The following ARHGAP32 variants were observed in gnomAD, a reference collection of about 807,000 sequenced individuals.
ARHGAP32 encodes the protein Rho GTPase activating protein 32.
In ARHGAP32, 51 loss-of-function variants were observed where a neutral mutation model predicts 186.5. The ratio of observed to expected loss-of-function variants is 0.27; its 90% confidence interval spans 0.22 to 0.35. The LOEUF is 0.35. Among genes scored for constraint, ARHGAP32 ranks in the 10% least tolerant of loss-of-function variants. The pLI is 1.00. For synonymous variants in ARHGAP32, 950 were observed against 964.3 expected, an observed-to-expected ratio of 0.99 and a Z score of 0.27; for missense variants, 2,186 against 2,623.5, an observed-to-expected ratio of 0.83 and a Z score of 3.64.
rs1241228341 is a variant in ARHGAP32 at position 128,966,511 on chromosome 11, C to T, written c.*2396G>A. 6.6e-6 allele frequency: 1 copy of T among 152,204 alleles called. No individual in the cohort carries two copies. The highest frequency in any genetic ancestry group is 1.5e-5 in the Non-Finnish European group (1 of 68,044). The allele number at this position is 152,204 out of a possible 1,614,324, so 9.4% of individuals were successfully genotyped here. ...TAGATTTGATCTGAAGTTTGTGTTT[C>T]ACGCTTGTAACAGTAATTGCAATCA... On this transcript the variant is annotated 3_prime_UTR_variant, in exon 23 of 23. Transcript: ENST00000682385.
chr11:129,244,559 A>G (rs925687879), intron 1 of ARHGAP32, among the ~76,000 whole-genome samples: 1 of 152,170 alleles, frequency 6.6e-6, no homozygotes, highest in African/African-American at 2.4e-5. Flanking sequence ...TGTCTAAAAC[A>G]CCAAAAGCAA....
chr11:129,086,689 T>G (rs373783524), intron 6 of ARHGAP32, among the ~76,000 whole-genome samples: 14 of 151,762 alleles, frequency 9.2e-5, no homozygotes, highest in Admixed American at 7.9e-4. Flanking sequence ...GGCGTGGTGG[T>G]GGGCGCCTGT....
At chr11:129,130,515 A>G (rs1193442379) in intron 2 of ARHGAP32, among the ~76,000 whole-genome samples, 11 of 151,806 alleles carry the variant, frequency 7.2e-5, no homozygotes, top group Admixed American at 7.2e-4. Context: ...AATCCTTGTA[A>G]CAAAATAACT....
chr11:129,014,331 T>C (rs977479600), intron 11 of ARHGAP32, among the ~76,000 whole-genome samples: 1 of 152,180 alleles, frequency 6.6e-6, no homozygotes, highest in Non-Finnish European at 1.5e-5. Context: ...CGTTAAGCCA[T>C]AGTGAACCTT....
At chr11:129,268,425 T>C (rs1337309787) in intron 1 of ARHGAP32, among the ~76,000 whole-genome samples, 1 of 151,752 alleles carries the variant, frequency 6.6e-6, no homozygotes, top group East Asian at 1.9e-4. Flanking sequence ...TTTCAGACAG[T>C]AAAAATAAAG....
intron 11 of ARHGAP32, among the ~76,000 whole-genome samples, chr11:129,021,881 T>C (rs537881048): frequency 6.6e-6 from 1 of 152,046 alleles, no homozygotes; most frequent in Non-Finnish European, 1.5e-5. Context: ...AAGGAAGATT[T>C]GCATTTTACC....
At position 128,966,709 on chromosome 11, in the gene ARHGAP32, G is replaced by C. The variant is rs1250899709; in HGVS notation, c.*2198C>G. The C allele has an allele frequency of 6.6e-6, 1 of 152,154 alleles. No individual in the cohort carries two copies. Among genetic ancestry groups the C allele is most frequent in the Non-Finnish European group, 1.5e-5 (1 of 68,026 alleles). 9.4% of individuals were successfully genotyped at this position (152,154 alleles called of 1,614,324 possible). On this transcript the variant is annotated 3_prime_UTR_variant, in exon 23 of 23. Transcript: ENST00000682385. ...ATATTAAAACTGGACCGGACTCCCTGGGTTACTTTCTTTAGGCTCTCAGTT... is the reference window on the plus strand; with the variant it reads ...ATATTAAAACTGGACCGGACTCCCTCGGTTACTTTCTTTAGGCTCTCAGTT...
At chr11:129,097,622 T>C (rs940406471) in intron 5 of ARHGAP32, among the ~76,000 whole-genome samples, 1 of 151,560 alleles carries the variant, frequency 6.6e-6, no homozygotes. Flanking sequence ...GATTGAGTAA[T>C]AGGAAGAAAA....
chr11:129,252,282 C>G (rs952250647), intron 1 of ARHGAP32, among the ~76,000 whole-genome samples: 1 of 152,094 alleles, frequency 6.6e-6, no homozygotes, highest in Admixed American at 6.5e-5. Flanking sequence ...CTCCTACTCT[C>G]GAAAACTGGG....
Position 129,227,147 on chromosome 11 carries a change from A to T in ARHGAP32, c.-5+51999T>A, listed in dbSNP as rs181155474. ...GGAAGGGAAGGCACTATATGGGAAC[A>T]AAGTTTTTATATACTATTGAAATTA... On this transcript the variant is annotated intron_variant, in intron 1 of 6. Coordinates refer to the ARHGAP32 transcript ENST00000525234. 2.4e-3 allele frequency among the ~76,000 whole-genome samples: 364 copies of T among 152,220 alleles called. 2 individuals are homozygous for T. The South Asian group carries it at 0.034, about 14-fold the overall frequency.
intron 2 of ARHGAP32, among the ~76,000 whole-genome samples, chr11:129,139,574 G>T (rs1943006187): frequency 6.6e-6 from 1 of 152,076 alleles, no homozygotes. Context: ...TGAATCATAG[G>T]GGGCGGGTCT....
At chr11:129,198,275 GA>G (rs1304360936) in intron 1 of ARHGAP32, among the ~76,000 whole-genome samples, 1 of 152,142 alleles carries the variant, frequency 6.6e-6, no homozygotes, top group Non-Finnish European at 1.5e-5. Flanking sequence ...AGAAAAAATA[GA>G]AATGGAGGTA....
chr11:129,109,049 T>C (rs1184046361), intron 5 of ARHGAP32, among the ~76,000 whole-genome samples: 1 of 152,146 alleles, frequency 6.6e-6, no homozygotes, highest in African/African-American at 2.4e-5. Flanking sequence ...TTCCCATTAA[T>C]CAAACTTCTT....
intron 11 of ARHGAP32, among the ~76,000 whole-genome samples, chr11:129,036,593 T>C (rs1169767847): frequency 5.3e-5 from 8 of 152,180 alleles, no homozygotes; most frequent in Non-Finnish European, 1.0e-4. Flanking sequence ...AAATGTTTGA[T>C]GTTGAATTTT....
chr11:128,986,374 A>AC lies in ARHGAP32; in HGVS notation c.1443+149dup, dbSNP rs1737482170. The AC allele has an allele frequency of 3.6e-6, 3 of 825,136 alleles. No homozygotes were observed. In the African/African-American group the frequency reaches 5.2e-5, roughly 14 times the overall value. 51.1% of individuals were successfully genotyped at this position (825,136 alleles called of 1,614,324 possible). ...TGACAATGTGAAAACAGCAAAGACC[A>AC]CCGACTAGCTGGCAATATTTGTTTT... On this transcript the variant is annotated intron_variant, in intron 14 of 22. Coordinates refer to ENST00000682385, the MANE Select transcript of ARHGAP32 (RefSeq NM_001378024.1).
At chr11:129,176,132 C>A in intron 1 of ARHGAP32, among the ~76,000 whole-genome samples, 1 of 101,056 alleles carries the variant, frequency 9.9e-6, no homozygotes, top group African/African-American at 5.0e-5. Context: ...GCAGGAGTTG[C>A]AATCCTAGTC....
rs753956400 is a variant in ARHGAP32 at position 128,980,640 on chromosome 11, A to G, written c.1889T>C (p.Val630Ala). ...TACTTCGATATATTTATTTTCCGTC[A>G]CAATTGGAGAATTGACCTGAGCTTG... ...RTQAQVNSPI[V>A]TENKYIEVGE... The change falls in exon 18 of 23, where the codon GTG becomes GCG. Residue 630 changes from valine (V) to alanine (A), a missense_variant. Transcript: ENST00000682385. 1 of 1,614,062 alleles carries G rather than the reference A, an allele frequency of 6.2e-7. No individual in the cohort carries two copies. The highest frequency in any genetic ancestry group is 2.2e-5 in the East Asian group (1 of 44,882).
chr11:129,176,122 G>T (rs1162561925), intron 1 of ARHGAP32, among the ~76,000 whole-genome samples: 48 of 96,748 alleles, frequency 5.0e-4, no homozygotes, highest in African/African-American at 2.3e-3. Context: ...ACAAAAAAAG[G>T]CAGGAGTTGC....
chr11:129,023,360 G>T (rs372880957), intron 11 of ARHGAP32, among the ~76,000 whole-genome samples: 1 of 152,138 alleles, frequency 6.6e-6, no homozygotes, highest in East Asian at 1.9e-4. Context: ...TTACTTCTTC[G>T]TGCAAACTTG....
Sources: allele counts gnomAD v4.1 joint callset (sites outside exome capture counted in the v4.1 genomes callset), GRCh38; gene constraint gnomAD v4.1.1; transcripts MANE v1.5; gene names NCBI Gene and HGNC (gene_info 2026-07-23, HGNC 2026-07-21).